Variants in MARK1 observed in about 807,000 individuals in gnomAD.
The protein encoded by MARK1 is serine/threonine-protein kinase MARK1.
MARK1 carries 40 observed loss-of-function variants against 96.3 expected under a neutral mutation model. The observed-to-expected ratio is 0.42, with a 90% CI of 0.32 to 0.54. The LOEUF is 0.54. Ranked by LOEUF, MARK1 falls within the 20% of genes least tolerant of loss-of-function variation. The pLI, the probability that MARK1 is intolerant of heterozygous loss-of-function variation, is 0.16. For synonymous variants in MARK1, 317 were observed against 341.2 expected (o/e 0.93, Z 0.78); for missense variants, 719 against 984.6 (o/e 0.73, Z 3.61).
At chr1:220,638,408 C>T (rs1161686640) in intron 13 of MARK1, among the ~76,000 whole-genome samples, 1 of 152,108 alleles carries the variant, frequency 6.6e-6, no homozygotes, top group Non-Finnish European at 1.5e-5. Flanking sequence ...TCTTTTATGG[C>T]CAAATACTCC....
intron 11 of MARK1, among the ~76,000 whole-genome samples, chr1:220,634,281 C>T (rs1215640948): frequency 2.0e-5 from 3 of 152,190 alleles, no homozygotes; most frequent in Admixed American, 6.5e-5. Flanking sequence ...AACCATGCCA[C>T]GCATGAATTT....
intron 9 of MARK1, 134 bp from the exon 10 acceptor site, chr1:220,630,901 G>GC (rs1417836775): frequency 1.6e-6 from 1 of 616,644 alleles, no homozygotes; most frequent in Non-Finnish European, 2.9e-6. Context: ...CCTCTTTTTG[G>GC]CCCACTAATC....
chr1:220,551,678 A>C lies in MARK1; in HGVS notation c.51+22805A>C, dbSNP rs147787726. Among the ~76,000 whole-genome samples, 6 of 152,312 alleles carry C rather than the reference A, an allele frequency of 3.9e-5. 1 individual carries two copies. The East Asian group carries it at 1.2e-3, about 29-fold the overall frequency. ...TTAACACTTTGATGTTGAATGATGGAGAAATGGGAAGGGGAATCAAAAAGA... is the reference window on the plus strand; with the variant it reads ...TTAACACTTTGATGTTGAATGATGGCGAAATGGGAAGGGGAATCAAAAAGA... On this transcript the variant is annotated intron_variant, in intron 1 of 17. Transcript: ENST00000366917.
At chr1:220,659,062 T>A (rs1343762627) in intron 17 of MARK1, among the ~76,000 whole-genome samples, 2 of 152,164 alleles carry the variant, frequency 1.3e-5, no homozygotes, top group Non-Finnish European at 2.9e-5. Context: ...ATAGTTGCAT[T>A]TTTGTCCTTT....
In MARK1 at chr1:220,556,157, C is replaced by G. The variant is rs541680358; in HGVS notation, c.52-23197C>G. Among the ~76,000 whole-genome samples the G allele has an allele frequency of 7.2e-5, 11 of 152,150 alleles. No individual in the cohort carries two copies. In the East Asian group the frequency reaches 2.1e-3, roughly 29 times the overall value. ...ATCAGCACCATCTGTGCTGGAAGAA[C>G]TGGAAATGAACCTCCTGTATGAAGC... On this transcript the variant is annotated intron_variant, in intron 1 of 17. Transcript: ENST00000366917.
intron 9 of MARK1, chr1:220,627,259 T>C: frequency 2.0e-6 from 1 of 493,146 alleles, no homozygotes; most frequent in Non-Finnish European, 4.1e-6. Context: ...TGAGGAAGAG[T>C]TCTCTGACTC....
intron 3 of MARK1, among the ~76,000 whole-genome samples, chr1:220,590,662 A>G (rs547385557): frequency 1.3e-5 from 2 of 152,298 alleles, no homozygotes; most frequent in South Asian, 2.1e-4. Context: ...GTGAGGAGAG[A>G]TGCTTGATGG....
At chr1:220,622,554 A>G (rs1667104136) in intron 9 of MARK1, among the ~76,000 whole-genome samples, 1 of 152,218 alleles carries the variant, frequency 6.6e-6, no homozygotes, top group African/African-American at 2.4e-5. Context: ...GGTTGAAATC[A>G]TTTAAGTAAA....
intron 12 of MARK1, 115 bp from the exon 13 acceptor site, chr1:220,635,718 G>A (rs543246180): frequency 5.3e-5 from 61 of 1,146,060 alleles, no homozygotes; most frequent in African/African-American, 4.7e-4. Flanking sequence ...TTTAATCTTC[G>A]TTCAGAGTTT....
At chr1:220,596,203 C>A (rs146484143) in intron 3 of MARK1, among the ~76,000 whole-genome samples, 48 of 152,088 alleles carry the variant, frequency 3.2e-4, no homozygotes, top group Admixed American at 2.8e-3. Context: ...AGGGCTGAAC[C>A]CTGAGGACCT....
At chr1:220,573,790 GTAGTATATGTAGTA>G (rs1482452961) in intron 1 of MARK1, among the ~76,000 whole-genome samples, 1 of 143,316 alleles carries the variant, frequency 7.0e-6, no homozygotes, top group Non-Finnish European at 1.5e-5. Flanking sequence ...ATTGTATATT[GTAGTATATGTAGTA>G]TATATGTAGT....
chr1:220,652,197 A>G, intron 15 of MARK1, 47 bp downstream of exon 15: 1 of 1,455,690 alleles, frequency 6.9e-7, no homozygotes, highest in Non-Finnish European at 9.4e-7. Flanking sequence ...AGTTTCTAAA[A>G]ATATAGCACC....
At chr1:220,538,732 C>T (rs1474843849) in intron 1 of MARK1, among the ~76,000 whole-genome samples, 1 of 152,158 alleles carries the variant, frequency 6.6e-6, no homozygotes, top group Non-Finnish European at 1.5e-5. Context: ...TTGTTTGTAT[C>T]TTCTTTTATT....
chr1:220,640,248 T>C (rs1016790363), intron 13 of MARK1, among the ~76,000 whole-genome samples: 3 of 152,156 alleles, frequency 2.0e-5, no homozygotes, highest in Admixed American at 1.3e-4. Context: ...GAAAAAGAAA[T>C]AGTGCCCATA....
rs201310938 is a variant in MARK1, at chr1:220,651,573, T to G, written c.1572-413T>G. On this transcript the variant is annotated intron_variant, in intron 14 of 17. Transcript: ENST00000366917. ...TTTGATGAATCTAGAGATAATATTT[T>G]TGGTATAATTATCAATTCTGATTGT... Among the ~76,000 whole-genome samples the G allele has an allele frequency of 4.6e-5, 7 of 152,316 alleles. No individual in the cohort carries two copies. The East Asian group carries it at 1.2e-3, about 25-fold the overall frequency.
At chr1:220,626,023 A>T in intron 9 of MARK1, 1 of 555,466 alleles carries the variant, frequency 1.8e-6, no homozygotes, top group Non-Finnish European at 3.6e-6. Context: ...ATTCAACGTC[A>T]GCAAGGACTG....
At chr1:220,607,868 G>C (rs141644068) in intron 6 of MARK1, among the ~76,000 whole-genome samples, 8 of 152,156 alleles carry the variant, frequency 5.3e-5, no homozygotes, top group African/African-American at 1.9e-4. Context: ...ATTGATTTGC[G>C]TATATTGAAC....
chr1:220,626,063 T>C, intron 9 of MARK1: 1 of 580,624 alleles, frequency 1.7e-6, no homozygotes, highest in Non-Finnish European at 3.4e-6. Flanking sequence ...TTTGAATTCT[T>C]ACAGTTGTCT....
At chr1:220,554,923 G>A (rs1240683640) in intron 1 of MARK1, among the ~76,000 whole-genome samples, 1 of 152,144 alleles carries the variant, frequency 6.6e-6, no homozygotes, top group African/African-American at 2.4e-5. Flanking sequence ...TATTGCTTTT[G>A]GTTTACTATT....
Sources: allele counts gnomAD v4.1 joint callset (sites outside exome capture counted in the v4.1 genomes callset), GRCh38; gene constraint gnomAD v4.1.1; transcripts MANE v1.5; gene names NCBI Gene and HGNC (gene_info 2026-07-23, HGNC 2026-07-21).